Variants in WDR64 observed in about 807,000 individuals in gnomAD.
WDR64 encodes WD repeat domain 64.
A neutral mutation model predicts 139.3 loss-of-function variants in WDR64; 112 were observed. That is an observed-to-expected ratio of 0.80 (90% CI 0.69 to 0.94). WDR64 has a LOEUF of 0.94. WDR64 is among the 40% of genes least tolerant of loss of function. The pLI is 0.00. For synonymous variants in WDR64, 444 were observed against 437.7 expected (o/e 1.01, Z -0.18); for missense variants, 1,206 against 1,293.1 (o/e 0.93, Z 1.03).
At chr1:241,675,092 T>TCCCG (rs1666463150) in intron 4 of WDR64, among the ~76,000 whole-genome samples, 1 of 38,566 alleles carries the variant, frequency 2.6e-5, no homozygotes, top group African/African-American at 9.6e-5. Flanking sequence ...CCTTCATCCT[T>TCCCG]CCTCCCTCCC....
At chr1:241,707,045 A>G (rs879693390) in intron 8 of WDR64, among the ~76,000 whole-genome samples, 1 of 151,558 alleles carries the variant, frequency 6.6e-6, no homozygotes, top group Non-Finnish European at 1.5e-5. Context: ...ACAGGCATGC[A>G]CTCTCAGTTC....
chr1:241,750,934 G>A (rs929783044), intron 14 of WDR64, among the ~76,000 whole-genome samples: 20 of 151,834 alleles, frequency 1.3e-4, no homozygotes, highest in African/African-American at 3.1e-4. Context: ...ATGTTGGAGC[G>A]GGCAGCTTTA....
chr1:241,725,170 A>G (rs918790168), intron 10 of WDR64, among the ~76,000 whole-genome samples: 1 of 152,232 alleles, frequency 6.6e-6, no homozygotes, highest in Non-Finnish European at 1.5e-5. Context: ...AGACAGGTTT[A>G]CATACTGCTG....
At chr1:241,798,783 A>G (rs1018663593) in intron 27 of WDR64, among the ~76,000 whole-genome samples, 2 of 152,196 alleles carry the variant, frequency 1.3e-5, no homozygotes, top group South Asian at 2.1e-4. Flanking sequence ...TTGACTTACT[A>G]TTTTTAAATA....
intron 21 of WDR64, among the ~76,000 whole-genome samples, chr1:241,779,431 T>C (rs1658770115): frequency 6.6e-6 from 1 of 152,238 alleles, no homozygotes; most frequent in Non-Finnish European, 1.5e-5. Context: ...TGTTTGGTGG[T>C]ATATTCATTT....
chr1:241,663,273 G>A (rs1665900496), intron 2 of WDR64, among the ~76,000 whole-genome samples: 1 of 152,196 alleles, frequency 6.6e-6, no homozygotes, highest in African/African-American at 2.4e-5. Context: ...TGTTTCACAC[G>A]GAAATGTGAA....
intron 12 of WDR64, among the ~76,000 whole-genome samples, chr1:241,742,613 AG>A (rs1444004266): frequency 6.6e-6 from 1 of 152,216 alleles, no homozygotes; most frequent in African/African-American, 2.4e-5. Context: ...CCCCTTGTTT[AG>A]CATGTCATCA....
chr1:241,664,400 C>T (rs921344582), intron 2 of WDR64, among the ~76,000 whole-genome samples: 7 of 152,092 alleles, frequency 4.6e-5, no homozygotes, highest in Non-Finnish European at 1.0e-4. Context: ...AAATTATGAA[C>T]ATTTGGAAAT....
At chr1:241,686,954 T>C (rs950734924) in intron 7 of WDR64, among the ~76,000 whole-genome samples, 2 of 152,176 alleles carry the variant, frequency 1.3e-5, no homozygotes, top group Non-Finnish European at 2.9e-5. Flanking sequence ...CAGCTCAAAT[T>C]TTGAAGAGTC....
chr1:241,748,623 C>T (rs570479313), intron 13 of WDR64, among the ~76,000 whole-genome samples: 2 of 152,182 alleles, frequency 1.3e-5, no homozygotes, highest in East Asian at 3.9e-4. Flanking sequence ...AGGTTTCAAA[C>T]AGAAAGTATA....
chr1:241,710,823 T>C (rs1002219411), intron 8 of WDR64, among the ~76,000 whole-genome samples: 4 of 152,294 alleles, frequency 2.6e-5, no homozygotes, highest in Non-Finnish European at 2.9e-5. Context: ...TGAAGTCTTC[T>C]TAGAGCACCA....
chr1:241,745,669 T>C (rs1669730302), intron 13 of WDR64, among the ~76,000 whole-genome samples: 1 of 144,444 alleles, frequency 6.9e-6, no homozygotes, highest in Admixed American at 6.7e-5. Context: ...CAGGCTGGTC[T>C]TAAAGTCCTG....
At chr1:241,736,062 A>G (rs1669312647) in intron 10 of WDR64, among the ~76,000 whole-genome samples, 1 of 152,206 alleles carries the variant, frequency 6.6e-6, no homozygotes, top group East Asian at 1.9e-4. Flanking sequence ...ACACATCCAC[A>G]TAAGGACAGA....
At chr1:241,750,314 C>A (rs1359419261) in intron 14 of WDR64, among the ~76,000 whole-genome samples, 1 of 152,134 alleles carries the variant, frequency 6.6e-6, no homozygotes, top group African/African-American at 2.4e-5. Context: ...GCGGATCTCA[C>A]CCCATCACCT....
At chr1:241,737,661 A>G (rs1259583191) in intron 10 of WDR64, among the ~76,000 whole-genome samples, 1 of 152,214 alleles carries the variant, frequency 6.6e-6, no homozygotes, top group Non-Finnish European at 1.5e-5. Context: ...AAAAAAGCAG[A>G]ATAGTGAAGA....
rs368871113 is a variant in WDR64, at chr1:241,688,629, G to A, written c.974+1034G>A. On this transcript the variant is annotated intron_variant, in intron 8 of 27. Transcript: ENST00000437684. ...TCCATCAGAGAAGTAAGGTCACAAG[G>A]CAGTTTTGTTGCCCCCACATTGGAG... 5.3e-5 allele frequency among the ~76,000 whole-genome samples: 8 copies of A among 152,268 alleles called. No homozygotes were observed. In the East Asian group the frequency reaches 5.8e-4, roughly 11 times the overall value.
intron 14 of WDR64, among the ~76,000 whole-genome samples, chr1:241,751,770 C>T (rs1045290963): frequency 3.3e-5 from 5 of 152,288 alleles, no homozygotes; most frequent in South Asian, 4.1e-4. Context: ...TTCCTAGCCA[C>T]GTAACAAGAG....
In WDR64 at chr1:241,652,384, A is replaced by G. The variant is rs1372731606; in HGVS notation, c.-101A>G. 4 of 1,280,856 alleles carry G rather than the reference A, an allele frequency of 3.1e-6. No individual in the cohort carries two copies. The highest frequency in any genetic ancestry group is 4.2e-6 in the Non-Finnish European group (4 of 944,480). 79.3% of individuals were successfully genotyped at this position (1,280,856 alleles called of 1,614,324 possible). On this transcript the variant is annotated 5_prime_UTR_variant, in exon 1 of 28. Transcript: ENST00000437684. ...CAAAGGAATTAGACCTAGGGCAAAA[A>G]CTGAGACAGCAGGGAGGCACTGTAA...
At chr1:241,663,158 A>G (rs1665895724) in intron 2 of WDR64, among the ~76,000 whole-genome samples, 1 of 152,208 alleles carries the variant, frequency 6.6e-6, no homozygotes, top group South Asian at 2.1e-4. Context: ...GTATCATGGG[A>G]TAACTCTATT....
Sources: gnomAD v4.1 joint callset for allele counts (sites outside exome capture counted in the v4.1 genomes callset) on GRCh38, gnomAD v4.1.1 for gene constraint, MANE v1.5 for transcripts, NCBI Gene and HGNC (gene_info 2026-07-23, HGNC 2026-07-21) for gene names.